The following KDM6A variants were observed in gnomAD, a reference collection of about 807,000 sequenced individuals.
KDM6A encodes the protein lysine demethylase 6A.
KDM6A carries 11 observed loss-of-function variants against 117.6 expected under a neutral mutation model. The ratio of observed to expected loss-of-function variants is 0.09; its 90% CI spans 0.06 to 0.15. The LOEUF (loss-of-function observed/expected upper bound fraction) is 0.15. KDM6A is among the 10% of genes least tolerant of loss of function. The probability of loss-of-function intolerance (pLI) is 1.00; values close to 1 mark genes in which losing one functional copy is unlikely to be tolerated. For missense variants in KDM6A, 799 were observed against 1,077.3 expected (o/e 0.74, Z 3.62); for synonymous variants, 384 against 396.1 (o/e 0.97, Z 0.36).
chrX:45,078,680 C>T (rs1484812180), intron 20 of KDM6A, among the ~76,000 whole-genome samples, 175 bp downstream of exon 20: 1 of 105,886 alleles, frequency 9.4e-6, no homozygotes, highest in Non-Finnish European at 1.9e-5. Flanking sequence ...TGTATCACTT[C>T]TTTAATCCAT....
chrX:44,903,397 A>T (rs2034472776), intron 2 of KDM6A, among the ~76,000 whole-genome samples: 1 of 112,109 alleles, frequency 8.9e-6, no homozygotes, highest in African/African-American at 3.2e-5. Flanking sequence ...GTCTTTTGAC[A>T]GTTTGACTAT....
rs777874558 is a variant in KDM6A, at chrX:45,108,094, G to GA, written c.4161+562dup. ...TCCTGTTAATGATAACACTGAGGGG[G>GA]AAAATGACCTAATTTTTTCTTCTAG... is the stretch of plus-strand genomic sequence containing the variant. On this transcript the variant is annotated intron_variant, in intron 28 of 29. Coordinates refer to ENST00000611820, the MANE Select transcript of KDM6A (RefSeq NM_001291415.2). Among the ~76,000 whole-genome samples the GA allele has an allele frequency of 6.3e-5, 7 of 111,472 alleles. No individual in the cohort carries two copies. The East Asian group carries it at 1.7e-3, about 27-fold the overall frequency.
chrX:45,089,069 C>T (rs1012389546), intron 25 of KDM6A, among the ~76,000 whole-genome samples: 1 of 111,927 alleles, frequency 8.9e-6, no homozygotes, highest in African/African-American at 3.2e-5. Flanking sequence ...GATGTCAACT[C>T]CACCTTCCAT....
chrX:45,024,353 C>T (rs1248158654), intron 6 of KDM6A, among the ~76,000 whole-genome samples: 1 of 111,866 alleles, frequency 8.9e-6, no homozygotes, highest in East Asian at 2.8e-4. Flanking sequence ...GGTGGTATCG[C>T]ATTGTGGATT....
intron 5 of KDM6A, among the ~76,000 whole-genome samples, chrX:45,020,201 A>T (rs1466726314): frequency 9.0e-6 from 1 of 111,713 alleles, no homozygotes; most frequent in East Asian, 2.8e-4. Context: ...TAGAAAGAAG[A>T]CTTATTTTTA....
At chrX:44,915,569 G>A (rs1326586238) in intron 2 of KDM6A, among the ~76,000 whole-genome samples, 1 of 112,302 alleles carries the variant, frequency 8.9e-6, no homozygotes, top group African/African-American at 3.2e-5. Flanking sequence ...CAGTTGACCT[G>A]TGGTTAACTG....
chrX:45,110,786 A>G (rs545157151), intron 29 of KDM6A, among the ~76,000 whole-genome samples: 34 of 112,191 alleles, frequency 3.0e-4, no homozygotes, highest in Middle Eastern at 4.6e-3. Context: ...TTAATTTCAG[A>G]CAGCAGATGC....
intron 3 of KDM6A, among the ~76,000 whole-genome samples, chrX:44,963,483 G>GTGTCTGTCTGTCTGTCTGTCTGTC (rs1556012411): frequency 3.9e-4 from 16 of 40,889 alleles, no homozygotes; most frequent in African/African-American, 1.2e-3. Flanking sequence ...GTGTGTGTGT[G>GTGTCTGTCTGTCTGTCTGTCTGTC]TGTCTGTCTG....
intron 27 of KDM6A, among the ~76,000 whole-genome samples, chrX:45,095,789 C>A (rs908715973): frequency 8.9e-6 from 1 of 112,132 alleles, no homozygotes; most frequent in East Asian, 2.8e-4. Flanking sequence ...TTGTTGAGGT[C>A]ACCAGTGACC....
At position 45,023,130 on chromosome X, in the gene KDM6A, G is replaced by T. The variant is rs61349810; in HGVS notation, c.564+2400G>T. Among the ~76,000 whole-genome samples, 252 of 111,833 alleles carry T rather than the reference G, an allele frequency of 2.3e-3. 10 individuals carry two copies. The East Asian group carries it at 0.056, about 25-fold the overall frequency. The stretch of plus-strand genomic sequence containing the variant: ...ATGTGGTTGCTCTTAGACTAGTTAT[G>T]CCCAGTCTTTGAGAATTGTTCAAAT... On this transcript the variant is annotated intron_variant, in intron 6 of 29. Transcript: ENST00000611820.
At chrX:44,929,706 C>T (rs2036517595) in intron 2 of KDM6A, among the ~76,000 whole-genome samples, 1 of 111,930 alleles carries the variant, frequency 8.9e-6, no homozygotes, top group African/African-American at 3.2e-5. Flanking sequence ...ACTGAATAAA[C>T]TCCCAAACTA....
intron 2 of KDM6A, among the ~76,000 whole-genome samples, chrX:44,874,282 A>G (rs770899591): frequency 9.0e-6 from 1 of 111,650 alleles, no homozygotes. Flanking sequence ...GGGTAGGCCG[A>G]TGATCTTCGA....
At chrX:44,943,424 T>C (rs1439338465) in intron 2 of KDM6A, among the ~76,000 whole-genome samples, 3 of 112,251 alleles carry the variant, frequency 2.7e-5, no homozygotes, top group Non-Finnish European at 5.6e-5. Flanking sequence ...CTGGTGCTGA[T>C]AGACTTGCCA....
chrX:45,043,510 C>T (rs1472877238), intron 8 of KDM6A, among the ~76,000 whole-genome samples: 1 of 108,557 alleles, frequency 9.2e-6, no homozygotes, highest in Non-Finnish European at 1.9e-5. Context: ...GGTGTGGTGA[C>T]TCACACCTGT....
intron 29 of KDM6A, among the ~76,000 whole-genome samples, chrX:45,110,537 C>T (rs184908747): frequency 1.8e-5 from 2 of 111,347 alleles, no homozygotes; most frequent in African/African-American, 6.5e-5. Context: ...ACTATCATAT[C>T]CTTTATGTCA....
At chrX:45,110,286 G>C in intron 29 of KDM6A, 37 bp downstream of exon 29, 3 of 1,135,266 alleles carry the variant, frequency 2.6e-6, no homozygotes, top group Non-Finnish European at 3.6e-6. Flanking sequence ...TAGTTAGCTG[G>C]GTTATGAAGC....
chrX:44,895,979 C>CTGGTATTGG (rs1474771745), intron 2 of KDM6A, among the ~76,000 whole-genome samples: 1 of 110,398 alleles, frequency 9.1e-6, no homozygotes, highest in Non-Finnish European at 1.9e-5. Flanking sequence ...ATGTAACTTA[C>CTGGTATTGG]CACTGTCTAC....
intron 27 of KDM6A, among the ~76,000 whole-genome samples, chrX:45,092,605 G>A (rs5952288): frequency 0.22 from 24,238 of 111,048 alleles, 4,285 homozygotes; most frequent in African/African-American, 0.6. Flanking sequence ...CACTGATGAT[G>A]GACATACCAA....
intron 2 of KDM6A, among the ~76,000 whole-genome samples, chrX:44,932,891 C>CA (rs1555990289): frequency 3.0e-5 from 3 of 100,426 alleles, no homozygotes; most frequent in Non-Finnish European, 4.1e-5. Context: ...TTTTTTCTTT[C>CA]TTTTTTTTTT....
Sources: gnomAD v4.1 joint callset for allele counts (sites outside exome capture counted in the v4.1 genomes callset) on GRCh38, gnomAD v4.1.1 for gene constraint, MANE v1.5 for transcripts, NCBI Gene and HGNC (gene_info 2026-07-23, HGNC 2026-07-21) for gene names.